Variants in NALCN observed in about 807,000 individuals in gnomAD.
NALCN encodes the protein sodium leak channel NALCN.
In NALCN, 111 loss-of-function variants were observed where a neutral mutation model predicts 225.3. That is an observed-to-expected ratio of 0.49 (90% CI 0.42 to 0.58). NALCN has a LOEUF of 0.58. NALCN is among the 20% of genes least tolerant of loss of function. The probability of loss-of-function intolerance (pLI) is 0.00; values close to 1 mark genes in which losing one functional copy is unlikely to be tolerated. For missense variants in NALCN, 1,378 were observed against 2,202.4 expected (o/e 0.63, Z 7.49); for synonymous variants, 764 against 769.0 (o/e 0.99, Z 0.11).
Position 101,104,698 on chromosome 13 carries a change from G to T in NALCN, c.2637-48C>A. 1 of 1,610,164 alleles carries T rather than the reference G, an allele frequency of 6.2e-7. No individual in the cohort carries two copies. The highest frequency in any genetic ancestry group is 8.5e-7 in the Non-Finnish European group (1 of 1,177,874). ...GAGAAACATAAAGGTTCCAGGAAAG[G>T]CTTCTAAGAGTTAGAGATGATGGCT... On this transcript the variant is annotated intron_variant, in intron 23 of 43. Transcript: ENST00000251127. The surrounding 1 kb of genome is among the most constrained non-coding windows in gnomAD (Gnocchi z 4.2).
intron 6 of NALCN, among the ~76,000 whole-genome samples, chr13:101,347,114 C>G (rs2139307570): frequency 6.7e-6 from 1 of 149,682 alleles, no homozygotes; most frequent in South Asian, 2.1e-4. Flanking sequence ...TTGCTGCCAC[C>G]ACGCATACAC....
intron 14 of NALCN, among the ~76,000 whole-genome samples, chr13:101,179,230 G>A (rs1274360087): frequency 1.3e-5 from 2 of 152,188 alleles, no homozygotes; most frequent in African/African-American, 2.4e-5. Context: ...TATGAGCCAC[G>A]TGGCAACTGC....
chr13:101,131,970 T>C (rs1429238566), intron 17 of NALCN, among the ~76,000 whole-genome samples: 1 of 152,076 alleles, frequency 6.6e-6, no homozygotes, highest in Non-Finnish European at 1.5e-5. Flanking sequence ...ATTATGTTGA[T>C]ATTATTTATC....
At chr13:101,191,276 C>A (rs1295162220) in intron 14 of NALCN, among the ~76,000 whole-genome samples, 1 of 152,048 alleles carries the variant, frequency 6.6e-6, no homozygotes, top group Non-Finnish European at 1.5e-5. Flanking sequence ...TCACAGGCTG[C>A]ATTTCATAAC....
chr13:101,085,260 T>C (rs1372798958), intron 30 of NALCN, among the ~76,000 whole-genome samples: 1 of 152,168 alleles, frequency 6.6e-6, no homozygotes, highest in East Asian at 1.9e-4. Flanking sequence ...AGAGTGTCTT[T>C]TGTCATTCAG....
chr13:101,361,250 CA>C (rs906919563), intron 6 of NALCN, among the ~76,000 whole-genome samples: 25 of 152,154 alleles, frequency 1.6e-4, no homozygotes, highest in Non-Finnish European at 3.1e-4. Context: ...ACCTGAGATA[CA>C]AAAGTGATAG....
In NALCN at chr13:101,110,647, C is replaced by T. The variant is rs1168478003; in HGVS notation, c.2336G>A (p.Gly779Glu). The T allele has an allele frequency of 6.2e-7, 1 of 1,614,048 alleles. No homozygotes were observed. The highest frequency in any genetic ancestry group is 1.7e-5 in the Admixed American group (1 of 60,022). ...TTGAGTCAAAGTTTCAAGAGATTTT[C>T]CCCTGCTGATCCTCTGGCTGTTTGA... The part of the protein sequence containing the change: ...HGSNSQRISR[G>E]KSLETLTQDH... The change falls in exon 20 of 44, where the codon GGA (glycine) becomes GAA (glutamate). Residue 779 changes from glycine (G) to glutamate (E), a missense_variant. By Grantham distance (98) the Gly-to-Glu change is moderately conservative. Coordinates refer to ENST00000251127, the MANE Select transcript of NALCN (RefSeq NM_052867.4).
In NALCN at chr13:101,061,972, C is replaced by T. The variant is rs775579391; in HGVS notation, c.4751G>A (p.Arg1584Lys). 2 of 1,613,710 alleles carry T rather than the reference C, an allele frequency of 1.2e-6. No individual in the cohort carries two copies. Among genetic ancestry groups the T allele is most frequent in the Non-Finnish European group, 1.7e-6 (2 of 1,179,830 alleles). Reference protein sequence around the residue: ...MWLKKCLKRIRAKQQQSCSII... With the variant: ...MWLKKCLKRIKAKQQQSCSII... ...GCATGTGTGCAGTTCACTCACAGCT[C>T]TGATGCGCTTCAGGCACTTCTTGAG... Residue 1584 changes from arginine (R) to lysine (K), a missense_variant, in exon 41 of 44, where the codon AGA becomes AAA. Coordinates refer to ENST00000251127, the MANE Select transcript of NALCN (RefSeq NM_052867.4).
chr13:101,090,085 CACAT>C (rs1361092217), intron 28 of NALCN, 119 bp from the exon 29 acceptor site: 2 of 1,342,798 alleles, frequency 1.5e-6, no homozygotes, highest in African/African-American at 2.9e-5. Context: ...TATATACACA[CACAT>C]ATATACACAC....
chr13:101,311,576 T>C (rs1249535439), intron 7 of NALCN, among the ~76,000 whole-genome samples: 2 of 152,064 alleles, frequency 1.3e-5, no homozygotes, highest in Non-Finnish European at 2.9e-5. Context: ...TGAAGGGCTG[T>C]TGAATTTTGT....
At chr13:101,124,303 A>T (rs1466821906) in intron 18 of NALCN, among the ~76,000 whole-genome samples, 2 of 152,318 alleles carry the variant, frequency 1.3e-5, no homozygotes, top group East Asian at 3.9e-4. Flanking sequence ...TCCTTTACAT[A>T]TCACAAAAGA....
chr13:101,156,813 T>C (rs1038833705), intron 15 of NALCN, among the ~76,000 whole-genome samples: 17 of 152,212 alleles, frequency 1.1e-4, no homozygotes, highest in Admixed American at 1.1e-3. Flanking sequence ...ATACGTACTT[T>C]GGAATGCAGT....
chr13:101,142,098 AAT>A (rs1240086850), intron 17 of NALCN, among the ~76,000 whole-genome samples: 1 of 151,248 alleles, frequency 6.6e-6, no homozygotes, highest in African/African-American at 2.4e-5. Flanking sequence ...TGTATATATA[AAT>A]ATGTTTACTT....
intron 3 of NALCN, among the ~76,000 whole-genome samples, chr13:101,390,471 T>C (rs1404192154): frequency 6.6e-6 from 1 of 152,020 alleles, no homozygotes; most frequent in Non-Finnish European, 1.5e-5. Context: ...GACCAAACCA[T>C]AGATCCTGGT....
rs191634463 is a variant in NALCN, at chr13:101,152,744, C to T, written c.1840-7848G>A. Reference sequence around the variant, plus strand: ...AGATTGATTTTGTAGGTTTATTCTTCTAGGTCCCAAACATCTCTATTTTAT... The same window carrying T: ...AGATTGATTTTGTAGGTTTATTCTTTTAGGTCCCAAACATCTCTATTTTAT... On this transcript the variant is annotated intron_variant, in intron 15 of 43. Transcript: ENST00000251127. Among the ~76,000 whole-genome samples the T allele has an allele frequency of 5.6e-3, 858 of 152,180 alleles. 6 individuals are homozygous for T. The highest frequency in any genetic ancestry group is 0.015 in the African/African-American group (612 of 41,540).
At chr13:101,234,862 T>C (rs12020268) in intron 12 of NALCN, among the ~76,000 whole-genome samples, 1 of 151,168 alleles carries the variant, frequency 6.6e-6, no homozygotes, top group African/African-American at 2.5e-5. Context: ...CATCTACCTA[T>C]CTATCTATCT....
chr13:101,145,517 G>A (rs184848374), intron 15 of NALCN, among the ~76,000 whole-genome samples: 104 of 152,258 alleles, frequency 6.8e-4, no homozygotes, highest in African/African-American at 2.4e-3. Flanking sequence ...ACAATCAAAT[G>A]GATTTATTTA....
intron 7 of NALCN, among the ~76,000 whole-genome samples, chr13:101,302,361 C>T (rs1242169392): frequency 6.6e-6 from 1 of 151,870 alleles, no homozygotes; most frequent in African/African-American, 2.4e-5. Context: ...AGTAAATAAT[C>T]TCGGAATAAA....
intron 17 of NALCN, among the ~76,000 whole-genome samples, chr13:101,142,401 C>A (rs924736829): frequency 5.9e-5 from 9 of 152,014 alleles, no homozygotes; most frequent in African/African-American, 1.9e-4. Flanking sequence ...CTCGGCCTCC[C>A]AAAGTGCTGG....
Sources: allele counts gnomAD v4.1 joint callset (sites outside exome capture counted in the v4.1 genomes callset), GRCh38; gene constraint gnomAD v4.1.1; non-coding constraint Gnocchi (gnomAD v3.1); transcripts MANE v1.5; gene names NCBI Gene and HGNC (gene_info 2026-07-23, HGNC 2026-07-21).